Variants in VKORC1L1 observed in about 807,000 individuals in gnomAD.
VKORC1L1 encodes the protein vitamin K epoxide reductase complex subunit 1L1.
In VKORC1L1, 2 loss-of-function variants were observed where a neutral mutation model predicts 18.9. The observed-to-expected ratio is 0.11, with a 90% confidence interval of 0.04 to 0.33. VKORC1L1 has a LOEUF of 0.33. VKORC1L1 is among the 10% of genes least tolerant of loss of function. VKORC1L1 has a pLI of 1.00. For synonymous variants in VKORC1L1, 96 were observed against 100.0 expected (o/e 0.96, Z 0.24); for missense variants, 123 against 224.1 (o/e 0.55, Z 2.88).
rs1160018784 is a variant in VKORC1L1 at position 65,883,090 on chromosome 7, G to A, written c.194+9525G>A. The stretch of plus-strand genomic sequence containing the variant: ...CATCCATAATTTAAAGTTGGTGTTC[G>A]TCAGAAGAATTTTATTGTTCTCATT... On this transcript the variant is annotated intron_variant, in intron 1 of 2. Coordinates refer to ENST00000360768, the MANE Select transcript of VKORC1L1 (RefSeq NM_173517.6). Among the ~76,000 whole-genome samples, 8 of 148,306 alleles carry A rather than the reference G, an allele frequency of 5.4e-5. No homozygotes were observed. The South Asian group carries it at 1.7e-3, about 32-fold the overall frequency.
intron 2 of VKORC1L1, among the ~76,000 whole-genome samples, chr7:65,951,632 C>G (rs777285208): frequency 5.3e-5 from 8 of 151,658 alleles, no homozygotes; most frequent in Non-Finnish European, 1.2e-4. Context: ...AAAAATCTAT[C>G]CCACCCCTTC....
intron 1 of VKORC1L1, among the ~76,000 whole-genome samples, chr7:65,890,022 A>G (rs1789084611): frequency 6.6e-6 from 1 of 151,626 alleles, no homozygotes; most frequent in Admixed American, 6.6e-5. Flanking sequence ...CAATGGCATG[A>G]TCTCAGCTCA....
In VKORC1L1 at chr7:65,926,884, T is replaced by C. The variant is rs368801621; in HGVS notation, c.195-21787T>C. On this transcript the variant is annotated intron_variant, in intron 1 of 2. Transcript: ENST00000360768. ...ACCAAAAACAATATGTTCTCACTTA[T>C]AAGTGGGAGCTAAGCTATGAGTACT... Among the ~76,000 whole-genome samples the C allele has an allele frequency of 7.9e-4, 120 of 152,216 alleles. 2 individuals are homozygous for C. In the South Asian group the frequency reaches 0.024, roughly 31 times the overall value.
chr7:65,952,848 C>G (rs1790235738), intron 2 of VKORC1L1, among the ~76,000 whole-genome samples: 2 of 121,296 alleles, frequency 1.6e-5, no homozygotes, highest in Non-Finnish European at 3.2e-5. Flanking sequence ...TCCACTGGTG[C>G]AATCTTATCT....
intron 1 of VKORC1L1, among the ~76,000 whole-genome samples, chr7:65,911,392 T>C (rs565803686): frequency 6.6e-6 from 1 of 152,242 alleles, no homozygotes; most frequent in African/African-American, 2.4e-5. Context: ...TACATTTAGG[T>C]AGTTGGTAAA....
chr7:65,950,334 C>A (rs1790192299), intron 2 of VKORC1L1, among the ~76,000 whole-genome samples: 1 of 151,994 alleles, frequency 6.6e-6, no homozygotes, highest in Non-Finnish European at 1.5e-5. Context: ...GAGTTAAATC[C>A]ATCTGTTGAT....
chr7:65,893,753 G>C (rs1157393952), intron 1 of VKORC1L1, among the ~76,000 whole-genome samples: 2 of 152,150 alleles, frequency 1.3e-5, no homozygotes, highest in African/African-American at 2.4e-5. Flanking sequence ...AGTCTCAGTA[G>C]TTTGCAGGAA....
chr7:65,882,499 C>A (rs1237363545), intron 1 of VKORC1L1, among the ~76,000 whole-genome samples: 3 of 151,076 alleles, frequency 2.0e-5, no homozygotes. Flanking sequence ...AATGCTTACA[C>A]CCAGGACAAT....
chr7:65,876,809 C>A (rs972372503), intron 1 of VKORC1L1, among the ~76,000 whole-genome samples: 17 of 152,196 alleles, frequency 1.1e-4, no homozygotes, highest in African/African-American at 4.1e-4. Flanking sequence ...GTTTGGGACG[C>A]TGACACCTGG....
intron 1 of VKORC1L1, among the ~76,000 whole-genome samples, chr7:65,896,785 G>A (rs886375339): frequency 6.6e-6 from 1 of 152,158 alleles, no homozygotes; most frequent in Non-Finnish European, 1.5e-5. Context: ...CTGATCACTT[G>A]AAGCCAAGAG....
rs1439632666 is a variant in VKORC1L1, at chr7:65,895,512, T to TAC, written c.194+21948_194+21949insCA. On this transcript the variant is annotated intron_variant, in intron 1 of 2. Coordinates refer to ENST00000360768, the MANE Select transcript of VKORC1L1 (RefSeq NM_173517.6). ...ATATATATATATATATATATATATA[T>TAC]ATATACACACACACACACACACACA... Among the ~76,000 whole-genome samples, 334 of 73,796 alleles carry TAC rather than the reference T, an allele frequency of 4.5e-3. 1 individual carries two copies. Among genetic ancestry groups the TAC allele is most frequent in the East Asian group, 7.3e-3 (13 of 1,790 alleles). The allele number at this position is 73,796 out of a possible 152,430, so 48.4% of individuals were successfully genotyped here. A position where few individuals can be genotyped will look rare whatever the true frequency, so the allele number is the denominator to read the frequency against.
At chr7:65,884,067 TTTGA>T (rs1788973610) in intron 1 of VKORC1L1, among the ~76,000 whole-genome samples, 1 of 152,152 alleles carries the variant, frequency 6.6e-6, no homozygotes, top group South Asian at 2.1e-4. Flanking sequence ...GTTTAAAGTG[TTTGA>T]TTAATTTCTA....
chr7:65,928,254 C>CTTTTT (rs760146385), intron 1 of VKORC1L1, among the ~76,000 whole-genome samples: 20 of 106,216 alleles, frequency 1.9e-4, no homozygotes, highest in Non-Finnish European at 3.4e-4. Context: ...TTTTTTCCTT[C>CTTTTT]TTTTTTTTTT....
chr7:65,878,732 G>T (rs1183176108), intron 1 of VKORC1L1, among the ~76,000 whole-genome samples: 1 of 151,822 alleles, frequency 6.6e-6, no homozygotes, highest in African/African-American at 2.4e-5. Context: ...GTGAAACCCC[G>T]TCTCTACTAA....
rs201843277 is a variant in VKORC1L1 at position 65,941,834 on chromosome 7, G to A, written c.195-6837G>A. Among the ~76,000 whole-genome samples the A allele has an allele frequency of 1.3e-4, 20 of 151,808 alleles. No homozygotes were observed. In the East Asian group the frequency reaches 3.5e-3, roughly 27 times the overall value. ...GGGACTATAAGGCGAGTGCTACCAC[G>A]TATTTGAGTAGAGATGGGATTTCAC... is the stretch of plus-strand genomic sequence containing the variant. On this transcript the variant is annotated intron_variant, in intron 1 of 2. Coordinates refer to ENST00000360768, the MANE Select transcript of VKORC1L1 (RefSeq NM_173517.6).
chr7:65,905,432 C>G (rs1789390888), intron 1 of VKORC1L1, among the ~76,000 whole-genome samples: 2 of 152,074 alleles, frequency 1.3e-5, no homozygotes, highest in South Asian at 2.1e-4. Context: ...GCCTCAGCCT[C>G]CCACATAGCT....
chr7:65,922,844 T>C (rs532695706), intron 1 of VKORC1L1, among the ~76,000 whole-genome samples: 1 of 152,328 alleles, frequency 6.6e-6, no homozygotes, highest in South Asian at 2.1e-4. Context: ...TAATTTTCTT[T>C]CGTTTTCAGA....
intron 1 of VKORC1L1, among the ~76,000 whole-genome samples, chr7:65,878,249 C>T (rs1171794341): frequency 6.6e-6 from 1 of 151,406 alleles, no homozygotes; most frequent in African/African-American, 2.4e-5. Context: ...AGTTTGAGAC[C>T]AGCCTGGCCA....
At chr7:65,881,652 T>C (rs1788929581) in intron 1 of VKORC1L1, among the ~76,000 whole-genome samples, 1 of 152,246 alleles carries the variant, frequency 6.6e-6, no homozygotes, top group African/African-American at 2.4e-5. Flanking sequence ...CCTAGCGTAC[T>C]CAAGTCCCAT....
Sources: gnomAD v4.1 joint callset for allele counts (sites outside exome capture counted in the v4.1 genomes callset) on GRCh38, gnomAD v4.1.1 for gene constraint, MANE v1.5 for transcripts, NCBI Gene and HGNC (gene_info 2026-07-23, HGNC 2026-07-21) for gene names.